AKT3: variants seen among roughly 807,000 people sequenced by gnomAD.
AKT3 encodes AKT serine/threonine kinase 3, also known as RAC-gamma serine/threonine-protein kinase.
Under a neutral mutation model 65.3 loss-of-function variants are expected in AKT3, and 15 were observed. The observed-to-expected ratio is 0.23, with a 90% CI of 0.15 to 0.35. The LOEUF is 0.35. Ranked by LOEUF, AKT3 falls within the 10% of genes least tolerant of loss-of-function variation. The pLI is 1.00. For synonymous variants in AKT3, 206 were observed against 183.8 expected (o/e 1.12, Z -0.98); for missense variants, 243 against 576.5 (o/e 0.42, Z 5.92).
chr1:243,673,758 G>T (rs1476691919), intron 3 of AKT3, among the ~76,000 whole-genome samples: 1 of 151,956 alleles, frequency 6.6e-6, no homozygotes, highest in Non-Finnish European at 1.5e-5. Context: ...AGGACTACAG[G>T]CGTGCGCCAC....
At chr1:243,523,626 A>G (rs1459850747) in intron 12 of AKT3, among the ~76,000 whole-genome samples, 1 of 152,212 alleles carries the variant, frequency 6.6e-6, no homozygotes, top group Admixed American at 6.5e-5. Flanking sequence ...CTAAAGTCAT[A>G]CTAAAGCATC....
chr1:243,567,706 CGTT>C (rs1244372994), intron 9 of AKT3, among the ~76,000 whole-genome samples: 2 of 151,966 alleles, frequency 1.3e-5, no homozygotes, highest in Admixed American at 1.3e-4. Context: ...CATCCTAAAA[CGTT>C]GTTTTGCTGA....
intron 3 of AKT3, among the ~76,000 whole-genome samples, chr1:243,695,172 T>C (rs867050102): frequency 6.6e-6 from 1 of 151,978 alleles, no homozygotes; most frequent in South Asian, 2.1e-4. Context: ...CAGAAGATGA[T>C]TTCTAATATA....
At chr1:243,609,407 C>A (rs965196690) in intron 8 of AKT3, among the ~76,000 whole-genome samples, 4 of 150,742 alleles carry the variant, frequency 2.7e-5, no homozygotes, top group Middle Eastern at 3.2e-3. Context: ...AAATTATACA[C>A]CACATACAGG....
intron 8 of AKT3, among the ~76,000 whole-genome samples, chr1:243,606,161 G>C (rs1292400052): frequency 2.6e-5 from 4 of 152,136 alleles, no homozygotes; most frequent in Non-Finnish European, 5.9e-5. Flanking sequence ...ACAGAGAATG[G>C]ACTAATACAG....
At chr1:243,642,551 C>A (rs577258635) in intron 5 of AKT3, among the ~76,000 whole-genome samples, 2 of 152,158 alleles carry the variant, frequency 1.3e-5, no homozygotes, top group Admixed American at 6.5e-5. Flanking sequence ...CCTTGTGATC[C>A]GCCCACCTTG....
intron 2 of AKT3, among the ~76,000 whole-genome samples, chr1:243,767,785 A>G (rs1481683022): frequency 6.6e-6 from 1 of 152,146 alleles, no homozygotes; most frequent in Non-Finnish European, 1.5e-5. Flanking sequence ...ATGGGTGCTG[A>G]TTATACTTGC....
intron 2 of AKT3, among the ~76,000 whole-genome samples, chr1:243,826,500 C>T (rs1273170050): frequency 6.6e-6 from 1 of 152,278 alleles, no homozygotes; most frequent in South Asian, 2.1e-4. Flanking sequence ...TAGCGAGCTT[C>T]GGAGAAAGCT....
intron 2 of AKT3, among the ~76,000 whole-genome samples, chr1:243,743,061 C>T (rs2148183051): frequency 6.6e-6 from 1 of 152,198 alleles, no homozygotes; most frequent in Middle Eastern, 3.4e-3. Flanking sequence ...AATTCACTGG[C>T]CAGAAATTAG....
intron 2 of AKT3, among the ~76,000 whole-genome samples, chr1:243,805,647 G>A (rs1692678324): frequency 6.6e-6 from 1 of 151,898 alleles, no homozygotes; most frequent in African/African-American, 2.4e-5. Flanking sequence ...ATTTCCTCAT[G>A]CACACCGCTG....
At chr1:243,508,622 C>T (rs2148353113) in intron 13 of AKT3, among the ~76,000 whole-genome samples, 1 of 150,672 alleles carries the variant, frequency 6.6e-6, no homozygotes, top group South Asian at 2.1e-4. Flanking sequence ...AGGGCAGGAC[C>T]ACACCCCATT....
chr1:243,818,564 G>T (rs989784874), intron 2 of AKT3, among the ~76,000 whole-genome samples: 7 of 152,164 alleles, frequency 4.6e-5, no homozygotes, highest in African/African-American at 1.7e-4. Context: ...AAATGGCTTG[G>T]TGTTGAATAA....
intron 2 of AKT3, among the ~76,000 whole-genome samples, chr1:243,709,736 A>AAT (rs1441416637): frequency 6.6e-6 from 1 of 152,092 alleles, no homozygotes; most frequent in East Asian, 1.9e-4. Context: ...TTCTATAATA[A>AAT]ATATATATAC....
chr1:243,694,167 A>G (rs1684907185), intron 3 of AKT3, among the ~76,000 whole-genome samples: 2 of 152,188 alleles, frequency 1.3e-5, no homozygotes, highest in African/African-American at 4.8e-5. Context: ...TTATTTCAGA[A>G]AAACCAATAA....
At chr1:243,579,020 A>G (rs1675143168) in intron 8 of AKT3, among the ~76,000 whole-genome samples, 1 of 152,216 alleles carries the variant, frequency 6.6e-6, no homozygotes, top group Non-Finnish European at 1.5e-5. Context: ...CTTCTGAGGG[A>G]CATCAGCTAA....
rs529578251 is a variant in AKT3 at position 243,627,343 on chromosome 1, A to AG, written c.561+10267_561+10268insC. ...ACCCTGTTTCAATTAAAAAAAAAAA[A>AG]AGAGAGAGAGACATACTGATTGATC... On this transcript the variant is annotated intron_variant, in intron 6 of 13. Coordinates refer to ENST00000673466, the MANE Select transcript of AKT3 (RefSeq NM_005465.7). Among the ~76,000 whole-genome samples, 795 of 151,794 alleles carry AG rather than the reference A, an allele frequency of 5.2e-3. 8 individuals are homozygous for AG. The highest frequency in any genetic ancestry group is 0.018 in the African/African-American group (745 of 41,314).
intron 8 of AKT3, among the ~76,000 whole-genome samples, chr1:243,605,386 G>GT (rs1677324955): frequency 6.6e-6 from 1 of 152,116 alleles, no homozygotes; most frequent in East Asian, 1.9e-4. Flanking sequence ...GACATTTTAT[G>GT]TAAGTTTTGT....
At chr1:243,642,742 C>T (rs1407419209) in intron 5 of AKT3, among the ~76,000 whole-genome samples, 2 of 152,132 alleles carry the variant, frequency 1.3e-5, no homozygotes, top group Non-Finnish European at 2.9e-5. Flanking sequence ...GTTTACGTGG[C>T]TGTTTTAGGT....
At chr1:243,496,842 G>C (rs766631248), downstream of AKT3, among the ~76,000 whole-genome samples, 7 of 152,238 alleles carry the variant, frequency 4.6e-5, no homozygotes, top group Non-Finnish European at 1.0e-4. Flanking sequence ...GACTCCGATA[G>C]GATTTAAAAT....
Sources: allele counts gnomAD v4.1 joint callset (sites outside exome capture counted in the v4.1 genomes callset), GRCh38; gene constraint gnomAD v4.1.1; transcripts MANE v1.5; gene names NCBI Gene and HGNC (gene_info 2026-07-23, HGNC 2026-07-21).